The following PLXNA2 variants were observed in gnomAD, a reference collection of about 807,000 sequenced individuals.
PLXNA2 encodes plexin A2.
A neutral mutation model predicts 193.5 loss-of-function variants in PLXNA2; 91 were observed. The observed-to-expected ratio is 0.47, with a 90% CI of 0.40 to 0.56. The LOEUF (loss-of-function observed/expected upper bound fraction) is 0.56. Ranked by LOEUF, PLXNA2 falls within the 20% of genes least tolerant of loss-of-function variation. The probability of loss-of-function intolerance (pLI) is 0.00; values close to 1 mark genes in which losing one functional copy is unlikely to be tolerated. For missense variants in PLXNA2, 1,995 were observed against 2,503.2 expected (o/e 0.80, Z 4.33); for synonymous variants, 997 against 1,027.3 (o/e 0.97, Z 0.56).
chr1:208,194,786 G>A (rs1273561812), intron 3 of PLXNA2, among the ~76,000 whole-genome samples: 1 of 152,184 alleles, frequency 6.6e-6, no homozygotes, highest in Non-Finnish European at 1.5e-5. Flanking sequence ...TTTCGTGTGT[G>A]TAGGAAGAAT....
At chr1:208,078,302 TA>T (rs1666224951) in intron 12 of PLXNA2, among the ~76,000 whole-genome samples, 1 of 152,248 alleles carries the variant, frequency 6.6e-6, no homozygotes, top group African/African-American at 2.4e-5. Context: ...GGTTTCTTTT[TA>T]AAACTGATCT....
At position 208,179,460 on chromosome 1, in the gene PLXNA2, G is replaced by T. The variant is rs573874876; in HGVS notation, c.1371+30820C>A. ...TCCCTTCTGCCGGACCTGTCCTGTG[G>T]TCAGGAACCTCCTCCCTCCTGGCAT... On this transcript the variant is annotated intron_variant, in intron 3 of 31. Coordinates refer to ENST00000367033, the MANE Select transcript of PLXNA2 (RefSeq NM_025179.4). 6.3e-4 allele frequency among the ~76,000 whole-genome samples: 96 copies of T among 152,246 alleles called. 1 individual carries two copies. The highest frequency in any genetic ancestry group is 2.3e-3 in the African/African-American group (94 of 41,544).
chr1:208,064,685 C>T (rs1394905620), intron 12 of PLXNA2, among the ~76,000 whole-genome samples: 1 of 152,234 alleles, frequency 6.6e-6, no homozygotes, highest in African/African-American at 2.4e-5. Flanking sequence ...CATGCCATCT[C>T]TGTGTTGGGC....
intron 3 of PLXNA2, among the ~76,000 whole-genome samples, chr1:208,145,357 C>T (rs1668573701): frequency 6.6e-6 from 1 of 152,212 alleles, no homozygotes; most frequent in East Asian, 1.9e-4. Context: ...GGCTGGGTCC[C>T]AGGAGCTGCA....
chr1:208,058,189 C>T (rs889503915), intron 13 of PLXNA2, among the ~76,000 whole-genome samples: 1 of 152,168 alleles, frequency 6.6e-6, no homozygotes, highest in African/African-American at 2.4e-5. Flanking sequence ...GGGAAGCAGC[C>T]TGAGGATCTA....
At chr1:208,061,043 G>T (rs4844634) in intron 12 of PLXNA2, among the ~76,000 whole-genome samples, 38,711 of 151,920 alleles carry the variant, frequency 0.25, 5,217 homozygotes, top group East Asian at 0.44. Context: ...TGCTTCCTCG[G>T]TTCTTTAAGT....
intron 17 of PLXNA2, among the ~76,000 whole-genome samples, chr1:208,050,510 C>A (rs1179168384): frequency 6.6e-6 from 1 of 152,192 alleles, no homozygotes; most frequent in Admixed American, 6.5e-5. Flanking sequence ...CACCTTCTGA[C>A]AAGAAATTGT....
In PLXNA2 at chr1:208,112,084, A is replaced by G. The variant is rs568694731; in HGVS notation, c.1507-8837T>C. ...GTAGAGTGGTTGAGTAATTCAGAGT[A>G]ATTAAACCTATCTATCACTCAGAGA... On this transcript the variant is annotated intron_variant, in intron 4 of 31. Transcript: ENST00000367033. 3.3e-5 allele frequency among the ~76,000 whole-genome samples: 5 copies of G among 152,314 alleles called. No homozygotes were observed. In the East Asian group the frequency reaches 9.6e-4, roughly 29 times the overall value.
intron 29 of PLXNA2, 117 bp downstream of exon 29, chr1:208,031,473 C>G: frequency 7.1e-7 from 1 of 1,401,430 alleles, no homozygotes; most frequent in Non-Finnish European, 9.9e-7. Context: ...AGCTTTGGAT[C>G]ACCCAGCCCC....
At chr1:208,169,085 C>T (rs951635284) in intron 3 of PLXNA2, among the ~76,000 whole-genome samples, 5 of 152,068 alleles carry the variant, frequency 3.3e-5, no homozygotes, top group Non-Finnish European at 7.4e-5. Flanking sequence ...CTCACTCTGG[C>T]CTGTGGATGC....
chr1:208,086,956 TCTCTC>T (rs1666545682), intron 9 of PLXNA2, among the ~76,000 whole-genome samples: 1 of 64,484 alleles, frequency 1.6e-5, no homozygotes, highest in African/African-American at 4.8e-5. Flanking sequence ...GCACTCTCTC[TCTCTC>T]TCTCTCTCTC....
Position 208,217,549 on chromosome 1 carries a change from C to A in PLXNA2, c.374G>T (p.Arg125Leu). The A allele has an allele frequency of 6.2e-7, 1 of 1,614,166 alleles. No individual in the cohort carries two copies. The highest frequency in any genetic ancestry group is 8.5e-7 in the Non-Finnish European group (1 of 1,180,026). ...KLLIIDYSEN[R>L]LLACGSLYQG... is the part of the protein sequence containing the mutation. ...GTAGAGGCTCCCACAGGCCAGCAGG[C>A]GGTTCTCAGAGTAGTCAATGATGAG... Residue 125 changes from arginine to leucine, a missense_variant, in exon 2 of 32, where the codon CGC becomes CTC. By Grantham distance (102) the Arg-to-Leu change is moderately radical. This residue lies in a region of PLXNA2 where 702 missense variants were observed against 812.9 expected (regional missense o/e 0.86). Transcript: ENST00000367033. The surrounding 1 kb of genome is among the most constrained non-coding windows in gnomAD (Gnocchi z 4.7).
Position 208,038,617 on chromosome 1 carries a change from G to C in PLXNA2, c.4661-143C>G. ...ATAACAGAGGCTAGAGACATCTAGGGCTCCATGGGCCCAGGCAGCAGAGGA... is the reference window on the plus strand; with the variant it reads ...ATAACAGAGGCTAGAGACATCTAGGCCTCCATGGGCCCAGGCAGCAGAGGA... On this transcript the variant is annotated intron_variant, in intron 25 of 31. Transcript: ENST00000367033. The surrounding 1 kb of genome is among the most constrained non-coding windows in gnomAD (Gnocchi z 4.1). The C allele has an allele frequency of 8.9e-6, 7 of 787,620 alleles. No homozygotes were observed. Among genetic ancestry groups the C allele is most frequent in the Non-Finnish European group, 1.5e-5 (7 of 473,252 alleles). 48.8% of individuals were successfully genotyped at this position (787,620 alleles called of 1,614,324 possible).
At chr1:208,113,729 A>C (rs1323190660) in intron 4 of PLXNA2, among the ~76,000 whole-genome samples, 2 of 151,378 alleles carry the variant, frequency 1.3e-5, no homozygotes, top group South Asian at 4.2e-4. Flanking sequence ...TAATTGTTTA[A>C]ATTTTTTATA....
intron 14 of PLXNA2, 38 bp from the exon 15 acceptor site, chr1:208,052,501 T>C (rs1408102932): frequency 6.2e-7 from 1 of 1,608,622 alleles, no homozygotes; most frequent in East Asian, 2.2e-5. Context: ...CAGCTTAGGT[T>C]TTCTCCAAAA....
Position 208,084,424 on chromosome 1 carries a change from C to T in PLXNA2, c.2254G>A (p.Ala752Thr), listed in dbSNP as rs772699228. 4 of 1,614,118 alleles carry T rather than the reference C, an allele frequency of 2.5e-6. No homozygotes were observed. The highest frequency in any genetic ancestry group is 2.2e-5 in the South Asian group (2 of 91,090). The stretch of plus-strand genomic sequence containing the variant: ...ACGCTGGAGCTGTTGAAGCGCAGAG[C>T]GGGGACCCGGTGGATGGCTCCTTGT... ...NIQGAIHRVP[A>T]LRFNSSSVQC... The change falls in exon 10 of 32, where the codon GCT becomes ACT. Residue 752 changes from alanine (A) to threonine (T), a missense_variant. By Grantham distance (58) the Ala-to-Thr change is moderately conservative. Around this residue, in one of 3 missense-constraint regions of PLXNA2, gnomAD observed 1,291 missense variants for 1,673.6 expected, o/e 0.77. Coordinates refer to ENST00000367033, the MANE Select transcript of PLXNA2 (RefSeq NM_025179.4).
chr1:208,130,699 C>T (rs1015685722), intron 4 of PLXNA2, among the ~76,000 whole-genome samples: 1 of 152,188 alleles, frequency 6.6e-6, no homozygotes, highest in Non-Finnish European at 1.5e-5. Flanking sequence ...CTCTTACCTA[C>T]TCCTCCCCGG....
chr1:208,075,017 A>C (rs1353686491), intron 12 of PLXNA2, among the ~76,000 whole-genome samples: 1 of 152,218 alleles, frequency 6.6e-6, no homozygotes, highest in Non-Finnish European at 1.5e-5. Flanking sequence ...GCTGAAGTAA[A>C]GAAAATGAGT....
chr1:208,185,696 C>CAAAAAAAAAAAAAAAAAAAAAAAAAGA (rs56384277), intron 3 of PLXNA2, among the ~76,000 whole-genome samples: 30 of 57,248 alleles, frequency 5.2e-4, no homozygotes, highest in Admixed American at 1.2e-3. Flanking sequence ...TCTCTGAAAG[C>CAAAAAAAAAAAAAAAAAAAAAAAAAGA]AAAAAAAAAA....
Sources: allele counts gnomAD v4.1 joint callset (sites outside exome capture counted in the v4.1 genomes callset), GRCh38; gene constraint gnomAD v4.1.1; regional missense constraint gnomAD v4.1.1; non-coding constraint Gnocchi (gnomAD v3.1); transcripts MANE v1.5; gene names NCBI Gene and HGNC (gene_info 2026-07-23, HGNC 2026-07-21).